Variants in SLC16A12 observed in about 807,000 individuals in gnomAD.
SLC16A12 encodes solute carrier family 16 member 12.
In SLC16A12, 17 loss-of-function variants were observed where a neutral mutation model predicts 42.4. The observed-to-expected ratio is 0.40, with a 90% CI of 0.27 to 0.60. SLC16A12 has a LOEUF of 0.60. Ranked by LOEUF, SLC16A12 falls within the 20% of genes least tolerant of loss-of-function variation. SLC16A12 has a pLI of 0.42. For synonymous variants in SLC16A12, 224 were observed against 229.4 expected (o/e 0.98, Z 0.21); for missense variants, 544 against 623.0 (o/e 0.87, Z 1.35).
Position 89,433,195 on chromosome 10 carries a change from T to G in SLC16A12, c.1420A>C (p.Ile474Leu), listed in dbSNP as rs1041312957. ...AGCTTAGGATCAGATTCTTTGGCAA[T>G]GAACTGCAACTGGGTTTTTCTCATT... ...KRMRKTQLQF[I>L]AKESDPKLQL... The change falls in exon 8 of 8, where the codon ATT becomes CTT. Residue 474 changes from isoleucine (I) to leucine (L), a missense_variant. Ile to Leu is a conservative substitution (Grantham distance 5). Coordinates refer to ENST00000371790, the MANE Select transcript of SLC16A12 (RefSeq NM_213606.4). The G allele has an allele frequency of 6.2e-7, 1 of 1,614,218 alleles. No homozygotes were observed. Among genetic ancestry groups the G allele is most frequent in the Non-Finnish European group, 8.5e-7 (1 of 1,180,040 alleles).
chr10:89,547,843 C>T (rs1045772968), intron 2 of SLC16A12, among the ~76,000 whole-genome samples: 2 of 151,798 alleles, frequency 1.3e-5, no homozygotes, highest in African/African-American at 4.8e-5. Flanking sequence ...CAAAAATTAG[C>T]CAGGCATGGT....
intron 2 of SLC16A12, 21 bp from the exon 3 acceptor site, chr10:89,462,645 A>T (rs1490371643): frequency 2.0e-6 from 3 of 1,525,536 alleles, no homozygotes; most frequent in Non-Finnish European, 8.7e-7. Context: ...AAATCAGGAC[A>T]TATTTATATC....
rs1417906738 is a variant in SLC16A12 at position 89,554,099 on chromosome 10, AGAAG to A, written c.-47+1779_-47+1782del. Among the ~76,000 whole-genome samples, 48 of 14,470 alleles carry A rather than the reference AGAAG, an allele frequency of 3.3e-3. 5 individuals are homozygous for A. Among genetic ancestry groups the A allele is most frequent in the Middle Eastern group, 0.029 (1 of 34 alleles). The allele number at this position is 14,470 out of a possible 152,430, so 9.5% of individuals were successfully genotyped here. A position where few individuals can be genotyped will look rare whatever the true frequency, so the allele number is the denominator to read the frequency against. On this transcript the variant is annotated intron_variant, in intron 2 of 2. Transcript: ENST00000475682. ...AAGAAAGAAAGAAAGAAAGAAAGAA[AGAAG>A]GAAGGAAGGAAGGAAGGAAGGAAGG...
chr10:89,488,329 A>G (rs1286813299), intron 2 of SLC16A12, among the ~76,000 whole-genome samples: 3 of 152,108 alleles, frequency 2.0e-5, no homozygotes, highest in Non-Finnish European at 4.4e-5. Context: ...CTATTTTTTC[A>G]GCACTGATTT....
chr10:89,508,213 T>C (rs751486452), intron 2 of SLC16A12, among the ~76,000 whole-genome samples: 18 of 152,210 alleles, frequency 1.2e-4, no homozygotes, highest in Non-Finnish European at 4.4e-5. Flanking sequence ...AACTCAGCTC[T>C]GGACCAAGTG....
chr10:89,555,236 G>A (rs1184404827), intron 2 of SLC16A12, among the ~76,000 whole-genome samples: 1 of 151,044 alleles, frequency 6.6e-6, no homozygotes, highest in Non-Finnish European at 1.5e-5. Flanking sequence ...TCAAATTCTT[G>A]GGCTCAAGCA....
chr10:89,482,546 T>C (rs1842682134), intron 2 of SLC16A12, among the ~76,000 whole-genome samples: 1 of 152,112 alleles, frequency 6.6e-6, no homozygotes, highest in African/African-American at 2.4e-5. Flanking sequence ...TTGGGGAGGC[T>C]GAGGTGGGCA....
intron 2 of SLC16A12, among the ~76,000 whole-genome samples, chr10:89,482,168 C>T (rs1842674472): frequency 6.7e-6 from 1 of 148,622 alleles, no homozygotes; most frequent in Non-Finnish European, 1.5e-5. Flanking sequence ...CCATACTCCT[C>T]ACTTAGAATA....
chr10:89,472,412 G>T (rs1407725441), intron 2 of SLC16A12, among the ~76,000 whole-genome samples: 2 of 151,008 alleles, frequency 1.3e-5, no homozygotes, highest in African/African-American at 4.9e-5. Context: ...TAAGTTAGTT[G>T]ATAGTTTCAG....
At chr10:89,487,966 A>G (rs112634325) in intron 2 of SLC16A12, among the ~76,000 whole-genome samples, 646 of 21,878 alleles carry the variant, frequency 0.03, 5 homozygotes, top group African/African-American at 0.16. Context: ...GTGTGTGTGT[A>G]TATATATATA....
At chr10:89,507,947 G>T (rs1013456095) in intron 2 of SLC16A12, among the ~76,000 whole-genome samples, 1 of 152,160 alleles carries the variant, frequency 6.6e-6, no homozygotes, top group Admixed American at 6.5e-5. Context: ...TGATAAAATA[G>T]ATTTTAAACC....
At chr10:89,467,601 A>G (rs966872671) in intron 2 of SLC16A12, among the ~76,000 whole-genome samples, 2 of 152,184 alleles carry the variant, frequency 1.3e-5, no homozygotes, top group Non-Finnish European at 2.9e-5. Context: ...CCAAAAAAAG[A>G]CGCTCATCTA....
intron 2 of SLC16A12, among the ~76,000 whole-genome samples, chr10:89,485,784 G>A (rs1842734318): frequency 6.6e-6 from 1 of 152,194 alleles, no homozygotes; most frequent in Non-Finnish European, 1.5e-5. Context: ...AGCAGCGTGT[G>A]TAGATCAGTA....
intron 2 of SLC16A12, among the ~76,000 whole-genome samples, chr10:89,508,594 T>G (rs1223638565): frequency 5.9e-5 from 9 of 152,136 alleles, no homozygotes; most frequent in Admixed American, 5.9e-4. Flanking sequence ...AGAAGGAAAT[T>G]TATAGCACTA....
At chr10:89,544,340 G>A (rs932384240) in intron 2 of SLC16A12, among the ~76,000 whole-genome samples, 5 of 152,196 alleles carry the variant, frequency 3.3e-5, no homozygotes, top group Non-Finnish European at 5.9e-5. Context: ...CCAACCAGAT[G>A]TGGAGTATGA....
chr10:89,516,280 T>C (rs1191447820), intron 2 of SLC16A12, among the ~76,000 whole-genome samples: 1 of 152,132 alleles, frequency 6.6e-6, no homozygotes, highest in Non-Finnish European at 1.5e-5. Context: ...CCCTGACGTG[T>C]CCTCTCTGAT....
upstream of SLC16A12, among the ~76,000 whole-genome samples, chr10:89,539,971 T>C (rs372719895): frequency 1.3e-5 from 2 of 150,976 alleles, no homozygotes; most frequent in South Asian, 2.1e-4. Context: ...CTTTCTTTCT[T>C]TCTCTCTTTC....
intron 2 of SLC16A12, among the ~76,000 whole-genome samples, chr10:89,466,753 C>T (rs1842406511): frequency 1.3e-5 from 2 of 151,926 alleles, no homozygotes; most frequent in South Asian, 4.1e-4. Flanking sequence ...TTTACCCTAT[C>T]CCTGATAGAG....
Position 89,436,204 on chromosome 10 carries a change from T to A in SLC16A12, c.1144A>T (p.Thr382Ser). ...SLPLLVPFSC[T>S]FGYFDGAYVT... The stretch of plus-strand genomic sequence containing the variant: ...TAGGCACCATCAAAGTAGCCAAAGG[T>A]ACAAGAGAAAGGCACGAGCAGAGGG... The change falls in exon 7 of 8, where the codon ACC (threonine) becomes TCC (serine). Residue 382 changes from threonine (T) to serine (S), a missense_variant. Thr to Ser is a moderately conservative substitution (Grantham distance 58, BLOSUM62 1). Transcript: ENST00000371790. The A allele has an allele frequency of 6.2e-7, 1 of 1,613,944 alleles. No individual in the cohort carries two copies. The highest frequency in any genetic ancestry group is 8.5e-7 in the Non-Finnish European group (1 of 1,179,968).
Sources: allele counts gnomAD v4.1 joint callset (sites outside exome capture counted in the v4.1 genomes callset), GRCh38; gene constraint gnomAD v4.1.1; transcripts MANE v1.5; gene names NCBI Gene and HGNC (gene_info 2026-07-23, HGNC 2026-07-21).